The following C1QTNF3 variants were observed in gnomAD, a reference collection of about 807,000 sequenced individuals.
The protein encoded by C1QTNF3 is complement C1q tumor necrosis factor-related protein 3.
In C1QTNF3, 26 loss-of-function variants were observed where a neutral mutation model predicts 32.6. The ratio of observed to expected loss-of-function variants is 0.80; its 90% CI spans 0.58 to 1.11. The LOEUF (loss-of-function observed/expected upper bound fraction) is 1.11, where lower values mean the gene tolerates loss of function less well. Ranked by LOEUF, C1QTNF3 falls within the 50% of genes least tolerant of loss-of-function variation. The pLI is 0.00. For synonymous variants in C1QTNF3, 155 were observed against 146.0 expected (o/e 1.06, Z -0.44); for missense variants, 362 against 398.2 (o/e 0.91, Z 0.77).
chr5:34,214,813 T>C, the C1QTNF3 span, among the ~76,000 whole-genome samples: 2 of 152,288 alleles, frequency 1.3e-5, no homozygotes, highest in East Asian at 1.9e-4. Flanking sequence ...AGAGATATTA[T>C]CTTCACATTA....
At chr5:34,083,509 TAA>T in the C1QTNF3 span, among the ~76,000 whole-genome samples, 179 of 145,460 alleles carry the variant, frequency 1.2e-3, no homozygotes, top group Non-Finnish European at 1.2e-3. Flanking sequence ...AATGAATTTG[TAA>T]AAAAAAAAAA....
the C1QTNF3 span, among the ~76,000 whole-genome samples, chr5:34,177,634 A>G: frequency 2.0e-5 from 3 of 151,866 alleles, no homozygotes; most frequent in South Asian, 2.1e-4. Flanking sequence ...TTACAGGTAC[A>G]TGCCACCACA....
the C1QTNF3 span, among the ~76,000 whole-genome samples, chr5:34,063,181 G>A: frequency 6.6e-6 from 1 of 151,832 alleles, no homozygotes; most frequent in Admixed American, 6.6e-5. Context: ...AAAGGAATGG[G>A]GTACACTGTT....
At chr5:34,054,134 C>T in the C1QTNF3 span, among the ~76,000 whole-genome samples, 3 of 152,194 alleles carry the variant, frequency 2.0e-5, no homozygotes, top group Non-Finnish European at 2.9e-5. Context: ...CCCCCAGAAC[C>T]AGGCCCCCAG....
rs777939464 is a variant in C1QTNF3 at position 34,020,658 on chromosome 5, C to T, written c.885G>A (p.Met295Ile). 9 of 1,614,210 alleles carry T rather than the reference C, an allele frequency of 5.6e-6. No homozygotes were observed. The highest frequency in any genetic ancestry group is 5.9e-6 in the Non-Finnish European group (7 of 1,180,036). ...GGTCCCCATGGAGAGCGCCATTGCC[C>T]ATTCGCAGCCAAACCTCATCCCCTT... ...LAKGDEVWLR[M>I]GNGALHGDHQ... Residue 295 changes from methionine to isoleucine, a missense_variant, in exon 6 of 6, where the codon ATG becomes ATA. By Grantham distance (10) the Met-to-Ile change is conservative. Coordinates refer to ENST00000382065, the MANE Select transcript of C1QTNF3 (RefSeq NM_181435.6).
At chr5:34,130,704 G>C in the C1QTNF3 span, among the ~76,000 whole-genome samples, 3 of 152,222 alleles carry the variant, frequency 2.0e-5, no homozygotes, top group African/African-American at 7.2e-5. Flanking sequence ...CACAACTAGA[G>C]GCCCTGTGGG....
the C1QTNF3 span, among the ~76,000 whole-genome samples, chr5:34,208,826 C>T: frequency 6.6e-6 from 1 of 152,130 alleles, no homozygotes; most frequent in Non-Finnish European, 1.5e-5. Flanking sequence ...GTAGTGCTTG[C>T]TCCATATTGT....
At chr5:34,173,368 C>T in the C1QTNF3 span, among the ~76,000 whole-genome samples, 1 of 148,674 alleles carries the variant, frequency 6.7e-6, no homozygotes, top group East Asian at 1.9e-4. Flanking sequence ...TACAAATATA[C>T]TACTTCTGAT....
the C1QTNF3 span, among the ~76,000 whole-genome samples, chr5:34,154,242 T>G: frequency 1.3e-5 from 2 of 152,218 alleles, no homozygotes; most frequent in African/African-American, 2.4e-5. Flanking sequence ...ATAACGAGTT[T>G]TTTTCTTCTT....
the C1QTNF3 span, chr5:34,200,679 C>A: frequency 2.0e-5 from 3 of 152,026 alleles, no homozygotes; most frequent in African/African-American, 7.3e-5. Context: ...AAAACTTGAC[C>A]CACAAATCTC....
At chr5:34,236,150 A>G in the C1QTNF3 span, among the ~76,000 whole-genome samples, 1 of 152,222 alleles carries the variant, frequency 6.6e-6, no homozygotes, top group African/African-American at 2.4e-5. Context: ...TTTTGACTTT[A>G]ATCCCATGCC....
chr5:34,039,644 T>A (rs570968393), intron 1 of C1QTNF3, among the ~76,000 whole-genome samples: 1 of 152,296 alleles, frequency 6.6e-6, no homozygotes, highest in Admixed American at 6.5e-5. Context: ...TATGTGTGTT[T>A]CTCCTATTGA....
At chr5:34,106,401 AAT>A in the C1QTNF3 span, 1 of 151,382 alleles carries the variant, frequency 6.6e-6, no homozygotes, top group South Asian at 2.1e-4. Context: ...TATTAGGAAA[AAT>A]ATATATATTT....
chr5:34,113,772 T>C, the C1QTNF3 span, among the ~76,000 whole-genome samples: 1 of 152,164 alleles, frequency 6.6e-6, no homozygotes, highest in African/African-American at 2.4e-5. Flanking sequence ...AAGCACTGGC[T>C]TATTATACAA....
the C1QTNF3 span, among the ~76,000 whole-genome samples, chr5:34,207,659 C>G: frequency 6.6e-6 from 1 of 152,154 alleles, no homozygotes; most frequent in South Asian, 2.1e-4. Context: ...ATCTTAAGCT[C>G]ACTATCTACC....
the C1QTNF3 span, among the ~76,000 whole-genome samples, chr5:34,221,175 C>T: frequency 6.6e-6 from 1 of 151,988 alleles, no homozygotes; most frequent in Non-Finnish European, 1.5e-5. Flanking sequence ...ATTCTTCATA[C>T]CAAGATATCA....
the C1QTNF3 span, among the ~76,000 whole-genome samples, chr5:34,216,616 C>A: frequency 2.6e-5 from 4 of 152,118 alleles, no homozygotes; most frequent in African/African-American, 9.7e-5. Context: ...TGGTTCTCAA[C>A]CTAATCTCTA....
chr5:34,040,907 C>T (rs1754855988), intron 1 of C1QTNF3, among the ~76,000 whole-genome samples: 1 of 152,054 alleles, frequency 6.6e-6, no homozygotes, highest in Non-Finnish European at 1.5e-5. Context: ...GACACTTTTG[C>T]CCAATTGCCT....
the C1QTNF3 span, among the ~76,000 whole-genome samples, chr5:34,183,832 A>C: frequency 2.0e-5 from 3 of 147,286 alleles, no homozygotes; most frequent in Middle Eastern, 3.3e-3. Flanking sequence ...AAAGTCAATT[A>C]ATTATATTTG....
Sources: allele counts gnomAD v4.1 joint callset (sites outside exome capture counted in the v4.1 genomes callset), GRCh38; gene constraint gnomAD v4.1.1; transcripts MANE v1.5; gene names NCBI Gene and HGNC (gene_info 2026-07-23, HGNC 2026-07-21).